Variants in NPTN observed in about 807,000 individuals in gnomAD.
The protein encoded by NPTN is SDR-1.
In NPTN, 5 loss-of-function variants were observed where a neutral mutation model predicts 42.7. That is an observed-to-expected ratio of 0.12 (90% CI 0.06 to 0.25). The LOEUF (loss-of-function observed/expected upper bound fraction) is 0.25. Ranked by LOEUF, NPTN falls within the 10% of genes least tolerant of loss-of-function variation. The pLI is 1.00. For synonymous variants in NPTN, 180 were observed against 201.9 expected (o/e 0.89, Z 0.92); for missense variants, 307 against 525.4 (o/e 0.58, Z 4.06).
In NPTN at chr15:73,560,185, TACAGTGTCAA is replaced by T. The variant is rs1413817732; in HGVS notation, c.*868_*877del. The T allele has an allele frequency of 3.6e-6, 1 of 280,564 alleles. No individual in the cohort carries two copies. 17.4% of individuals were successfully genotyped at this position (280,564 alleles called of 1,614,324 possible). Reference sequence around the variant, plus strand: ...CAACCAGTAAATCAATGTGAAAAAATACAGTGTCAAACCAAAAAGTATAACTATAGTTGCA... The same window carrying T: ...CAACCAGTAAATCAATGTGAAAAAATACCAAAAAGTATAACTATAGTTGCA... On this transcript the variant is annotated 3_prime_UTR_variant, in exon 9 of 9. Transcript: ENST00000345330.
intron 4 of NPTN, among the ~76,000 whole-genome samples, chr15:73,583,949 C>A (rs879386754): frequency 6.6e-6 from 1 of 152,156 alleles, no homozygotes; most frequent in Non-Finnish European, 1.5e-5. Context: ...TGCACCATGA[C>A]AGAATAGGAA....
rs1447730811 is a variant in NPTN, at chr15:73,597,003, T to C, written c.439+19A>G. On this transcript the variant is annotated intron_variant, in intron 2 of 8. Coordinates refer to ENST00000345330, the MANE Select transcript of NPTN (RefSeq NM_012428.4). The surrounding 1 kb of genome is among the most constrained non-coding windows in gnomAD (Gnocchi z 6.3). ...CCTCTAATGACTACAGTACTACTAC[T>C]GTAGGGTGCTGGACTCACTCTGAAG... is the stretch of plus-strand genomic sequence containing the variant. 1 of 1,601,930 alleles carries C rather than the reference T, an allele frequency of 6.2e-7. No homozygotes were observed. The highest frequency in any genetic ancestry group is 8.5e-7 in the Non-Finnish European group (1 of 1,171,618).
chr15:73,631,248 T>C (rs117287704), intron 1 of NPTN, among the ~76,000 whole-genome samples: 2,864 of 152,296 alleles, frequency 0.019, 38 homozygotes, highest in Non-Finnish European at 0.027. Flanking sequence ...ATAAACTGAA[T>C]AGCTAAAATT....
chr15:73,590,582 C>T (rs867276588), intron 3 of NPTN, among the ~76,000 whole-genome samples: 3 of 145,748 alleles, frequency 2.1e-5, no homozygotes, highest in South Asian at 2.2e-4. Context: ...GGCAACATGG[C>T]GAAACCCAGT....
At chr15:73,600,706 A>AT (rs1897045766) in intron 1 of NPTN, among the ~76,000 whole-genome samples, 1 of 152,232 alleles carries the variant, frequency 6.6e-6, no homozygotes, top group African/African-American at 2.4e-5. Flanking sequence ...AAATTAATTA[A>AT]TAATAATTCC....
At chr15:73,562,096 C>T (rs1284213001) in intron 7 of NPTN, 126 bp from the exon 8 acceptor site, 1 of 693,242 alleles carries the variant, frequency 1.4e-6, no homozygotes, top group Admixed American at 2.7e-5. Context: ...TTTTGTGGCA[C>T]AATATGAGTG....
chr15:73,570,625 C>T lies in NPTN; in HGVS notation c.841-202G>A, dbSNP rs868596900. On this transcript the variant is annotated intron_variant, in intron 5 of 8. Transcript: ENST00000345330. The surrounding 1 kb of genome is among the most constrained non-coding windows in gnomAD (Gnocchi z 4.0). ...GAGCCAGGCAAGCCTCCCTTACCAT[C>T]GGTCCTCCAGACTTCCCCGACTTCC... 9.8e-5 allele frequency among the ~76,000 whole-genome samples: 15 copies of T among 152,346 alleles called. No homozygotes were observed. The highest frequency in any genetic ancestry group is 3.4e-3 in the Middle Eastern group (1 of 294).
At chr15:73,625,883 A>G (rs1448951719) in intron 1 of NPTN, among the ~76,000 whole-genome samples, 1 of 152,218 alleles carries the variant, frequency 6.6e-6, no homozygotes. Flanking sequence ...TCTAAAAGAA[A>G]AAAAGGAAAA....
intron 1 of NPTN, among the ~76,000 whole-genome samples, chr15:73,618,270 T>C (rs945818479): frequency 6.6e-6 from 1 of 151,832 alleles, no homozygotes; most frequent in African/African-American, 2.4e-5. Flanking sequence ...TTAAAAGAGT[T>C]AAAAAAAATA....
chr15:73,587,773 A>C (rs547758768), intron 3 of NPTN, among the ~76,000 whole-genome samples, 155 bp from the exon 4 acceptor site: 2 of 152,322 alleles, frequency 1.3e-5, no homozygotes, highest in African/African-American at 4.8e-5. Flanking sequence ...CTCTCTGTGC[A>C]TCCTAAAACA....
At chr15:73,631,200 C>G (rs563758217) in intron 1 of NPTN, among the ~76,000 whole-genome samples, 4 of 152,314 alleles carry the variant, frequency 2.6e-5, no homozygotes, top group Admixed American at 2.6e-4. Context: ...GATCAAGAAT[C>G]TCTCACCTAT....
At chr15:73,581,511 G>C (rs944384872) in intron 4 of NPTN, among the ~76,000 whole-genome samples, 1 of 152,124 alleles carries the variant, frequency 6.6e-6, no homozygotes, top group Non-Finnish European at 1.5e-5. Flanking sequence ...ACTGGTTAAT[G>C]GCTATCCCTC....
rs527747228 is a variant in NPTN, at chr15:73,585,924, C to A, written c.706+1600G>T. Among the ~76,000 whole-genome samples the A allele has an allele frequency of 3.1e-3, 468 of 152,328 alleles. 1 individual carries two copies. The highest frequency in any genetic ancestry group is 5.0e-3 in the Non-Finnish European group (342 of 68,034). On this transcript the variant is annotated intron_variant, in intron 4 of 8. Coordinates refer to ENST00000345330, the MANE Select transcript of NPTN (RefSeq NM_012428.4). Reference sequence around the variant, plus strand: ...TGACCCTGGCAACTGCTGCTTCCTACCTGCTGAAGAGACTATGAAGAAAGA... The same window carrying A: ...TGACCCTGGCAACTGCTGCTTCCTAACTGCTGAAGAGACTATGAAGAAAGA...
In NPTN at chr15:73,573,843, A is replaced by C. The variant is rs762081285; in HGVS notation, c.707-48T>G. 4.9e-5 allele frequency: 78 copies of C among 1,594,356 alleles called. No individual in the cohort carries two copies. The Middle Eastern group carries it at 8.5e-4, about 17-fold the overall frequency. Reference sequence around the variant, plus strand: ...GTTACCACGGAAGTCTACTCCAAACAGGATACAAAGGCCCCACCTTCTGGC... The same window carrying C: ...GTTACCACGGAAGTCTACTCCAAACCGGATACAAAGGCCCCACCTTCTGGC... On this transcript the variant is annotated intron_variant, in intron 4 of 8. Coordinates refer to ENST00000345330, the MANE Select transcript of NPTN (RefSeq NM_012428.4).
At chr15:73,574,748 T>C (rs1006728528) in intron 4 of NPTN, among the ~76,000 whole-genome samples, 1 of 152,138 alleles carries the variant, frequency 6.6e-6, no homozygotes, top group African/African-American at 2.4e-5. Context: ...GAATCTGCCT[T>C]GGACACCTGA....
intron 2 of NPTN, among the ~76,000 whole-genome samples, chr15:73,595,171 T>C (rs1160245003): frequency 6.6e-6 from 1 of 152,188 alleles, no homozygotes; most frequent in East Asian, 1.9e-4. Context: ...TTCTAGCCCC[T>C]TGGCATGGCC....
rs970718558 is a variant in NPTN at position 73,570,112 on chromosome 15, A to G, written c.1114+38T>C. ...ACTTGGAAACCACCCGAAGGAACCA[A>G]CCCCAGCAGTACAGCTATTTTGTAG... On this transcript the variant is annotated intron_variant, in intron 6 of 8. Transcript: ENST00000345330. This position sits in a 1 kb window ranked among gnomAD's most constrained non-coding sequence, Gnocchi z 4.0. 1.3e-6 allele frequency: 2 copies of G among 1,553,894 alleles called. No homozygotes were observed. Among genetic ancestry groups the G allele is most frequent in the African/African-American group, 2.7e-5 (2 of 73,190 alleles).
In NPTN at chr15:73,561,879, C is replaced by T. The variant is rs1462326108; in HGVS notation, c.*14+17G>A. On this transcript the variant is annotated intron_variant, in intron 8 of 8. Transcript: ENST00000345330. The stretch of plus-strand genomic sequence containing the variant: ...TTGAATATAATTTTTAAGACTGCTA[C>T]AGAAGGCCATACTTACATTGTAAGC... 34 of 1,564,080 alleles carry T rather than the reference C, an allele frequency of 2.2e-5. No individual in the cohort carries two copies. The highest frequency in any genetic ancestry group is 2.9e-5 in the Non-Finnish European group (33 of 1,139,538).
chr15:73,568,857 G>A, intron 6 of NPTN: 1 of 985,538 alleles, frequency 1.0e-6, no homozygotes, highest in Non-Finnish European at 1.2e-6. Flanking sequence ...TGCAGGCAGA[G>A]AGATTTATAA....
Sources: allele counts gnomAD v4.1 joint callset (sites outside exome capture counted in the v4.1 genomes callset), GRCh38; gene constraint gnomAD v4.1.1; non-coding constraint Gnocchi (gnomAD v3.1); transcripts MANE v1.5; gene names NCBI Gene and HGNC (gene_info 2026-07-23, HGNC 2026-07-21).